The following TANC1 variants were observed in gnomAD, a reference collection of about 807,000 sequenced individuals.
TANC1 encodes the protein protein TANC1.
Under a neutral mutation model 149.7 loss-of-function variants are expected in TANC1, and 77 were observed. That is an observed-to-expected ratio of 0.51 (90% confidence interval 0.43 to 0.62). TANC1 has a LOEUF of 0.62. TANC1 is among the 20% of genes least tolerant of loss of function. The pLI, the probability that TANC1 is intolerant of heterozygous loss-of-function variation, is 0.00. For missense variants in TANC1, 1,985 were observed against 2,321.8 expected, an observed-to-expected ratio of 0.85 and a Z score of 2.98; for synonymous variants, 854 against 925.0, an observed-to-expected ratio of 0.92 and a Z score of 1.39.
intron 24 of TANC1, 94 bp from the exon 25 acceptor site, chr2:159,227,725 G>T (rs13413691): frequency 0.039 from 53,179 of 1,360,618 alleles, 3,465 homozygotes; most frequent in East Asian, 0.24. Context: ...GGGTTTGCAG[G>T]GGGGAGTAAA....
At position 159,217,482 on chromosome 2, in the gene TANC1, G is replaced by A; in HGVS notation, c.3245-15G>A. ...CACATGCTAACAGATTCCCCTCCAT[G>A]TGACTTTCCTTTAGCCCTGACTGCC... is the stretch of plus-strand genomic sequence containing the variant. On this transcript the variant is annotated splice_polypyrimidine_tract_variant and intron_variant, in intron 19 of 26. Transcript: ENST00000263635. 1 of 1,614,128 alleles carries A rather than the reference G, an allele frequency of 6.2e-7. No homozygotes were observed. The highest frequency in any genetic ancestry group is 8.5e-7 in the Non-Finnish European group (1 of 1,179,986).
chr2:159,099,797 C>T (rs979785216), intron 4 of TANC1, among the ~76,000 whole-genome samples: 15 of 151,950 alleles, frequency 9.9e-5, no homozygotes, highest in East Asian at 3.9e-4. Flanking sequence ...TTTCATGCAC[C>T]GATACCTACC....
At chr2:158,976,941 C>T (rs916914436) in intron 1 of TANC1, among the ~76,000 whole-genome samples, 2 of 152,010 alleles carry the variant, frequency 1.3e-5, no homozygotes, top group Non-Finnish European at 2.9e-5. Flanking sequence ...TAAAAATGAA[C>T]TTAAAAATAC....
intron 19 of TANC1, among the ~76,000 whole-genome samples, chr2:159,202,552 C>T (rs1266776432): frequency 6.6e-6 from 1 of 152,106 alleles, no homozygotes; most frequent in African/African-American, 2.4e-5. Flanking sequence ...TCTGTCGTTC[C>T]AGTAGCTCTC....
At position 159,202,047 on chromosome 2, in the gene TANC1, G is replaced by T. The variant is rs150209231; in HGVS notation, c.3244+2994G>T. Among the ~76,000 whole-genome samples the T allele has an allele frequency of 2.9e-3, 435 of 152,328 alleles. 1 individual carries two copies. Among genetic ancestry groups the T allele is most frequent in the African/African-American group, 9.9e-3 (412 of 41,566 alleles). ...TGCTAGGAGAGCCTTGCAATTCAGT[G>T]AATCTATTCCACATGGCAGAAGTGT... is the stretch of plus-strand genomic sequence containing the variant. On this transcript the variant is annotated intron_variant, in intron 19 of 26. Transcript: ENST00000263635.
At chr2:159,015,510 C>A (rs2038183116) in intron 2 of TANC1, among the ~76,000 whole-genome samples, 1 of 152,190 alleles carries the variant, frequency 6.6e-6, no homozygotes, top group Non-Finnish European at 1.5e-5. Flanking sequence ...ATTGGCTCTT[C>A]ATTACTTACG....
At chr2:159,224,179 C>A (rs1215924682) in intron 22 of TANC1, 53 bp from the exon 23 acceptor site, 1 of 1,605,176 alleles carries the variant, frequency 6.2e-7, no homozygotes, top group Non-Finnish European at 8.5e-7. Context: ...AATCCGTGTG[C>A]GCCCCTGAAC....
intron 3 of TANC1, among the ~76,000 whole-genome samples, chr2:159,069,989 C>A (rs2149716490): frequency 6.6e-6 from 1 of 151,828 alleles, no homozygotes; most frequent in Admixed American, 6.6e-5. Context: ...GCCATGTTGC[C>A]CAGGCTGGTT....
At chr2:158,987,032 G>A (rs1486145012) in intron 1 of TANC1, among the ~76,000 whole-genome samples, 1 of 147,856 alleles carries the variant, frequency 6.8e-6, no homozygotes, top group Non-Finnish European at 1.5e-5. Context: ...GGGAAACCCT[G>A]TCTCTACTTA....
chr2:159,058,231 C>T (rs570527476), intron 2 of TANC1, among the ~76,000 whole-genome samples: 8 of 152,234 alleles, frequency 5.3e-5, no homozygotes, highest in South Asian at 2.1e-4. Flanking sequence ...TTTGAAATAC[C>T]CAAATAAAAC....
chr2:159,192,840 G>A (rs1353426266), intron 16 of TANC1, among the ~76,000 whole-genome samples: 1 of 152,206 alleles, frequency 6.6e-6, no homozygotes, highest in Non-Finnish European at 1.5e-5. Flanking sequence ...GTAGACACGG[G>A]GTTTTCACCC....
intron 4 of TANC1, among the ~76,000 whole-genome samples, chr2:159,127,061 A>G (rs1416606408): frequency 1.3e-5 from 2 of 152,252 alleles, no homozygotes; most frequent in Non-Finnish European, 2.9e-5. Flanking sequence ...GTAGACTACA[A>G]ACTGGAACTT....
At position 159,124,128 on chromosome 2, in the gene TANC1, C is replaced by T. The variant is rs185022983; in HGVS notation, c.260-12066C>T. Among the ~76,000 whole-genome samples the T allele has an allele frequency of 1.6e-3, 251 of 152,200 alleles. 1 individual carries two copies. The highest frequency in any genetic ancestry group is 5.0e-3 in the African/African-American group (209 of 41,516). On this transcript the variant is annotated intron_variant, in intron 4 of 26. Transcript: ENST00000263635. ...ATCCCAGCACTTTGGGAAGCTGAGG[C>T]GGGCGGATCATTTGAGGTCTGGTGT...
At chr2:158,978,771 C>G (rs1295573176) in intron 1 of TANC1, among the ~76,000 whole-genome samples, 1 of 152,154 alleles carries the variant, frequency 6.6e-6, no homozygotes, top group Non-Finnish European at 1.5e-5. Flanking sequence ...GTTGAGAGTT[C>G]ACAAGTTGTA....
chr2:159,025,653 T>G lies in TANC1; in HGVS notation c.-16+24464T>G, dbSNP rs183915833. Among the ~76,000 whole-genome samples, 40 of 152,328 alleles carry G rather than the reference T, an allele frequency of 2.6e-4. No homozygotes were observed. In the Middle Eastern group the frequency reaches 0.01, roughly 39 times the overall value. The stretch of plus-strand genomic sequence containing the variant: ...AAGGGATTCCTTTTTTTTAGCACAG[T>G]AAGTTTTTCAGGGATGTTGGATACA... On this transcript the variant is annotated intron_variant, in intron 2 of 26. Coordinates refer to ENST00000263635, the MANE Select transcript of TANC1 (RefSeq NM_033394.3).
chr2:159,067,444 G>A (rs1433179111), intron 3 of TANC1, among the ~76,000 whole-genome samples: 1 of 152,124 alleles, frequency 6.6e-6, no homozygotes, highest in Admixed American at 6.5e-5. Context: ...TCAACCCCTG[G>A]CTTTGAATAA....
chr2:159,154,819 A>G (rs910165250), intron 7 of TANC1, among the ~76,000 whole-genome samples: 7 of 152,172 alleles, frequency 4.6e-5, no homozygotes, highest in South Asian at 2.1e-4. Flanking sequence ...CAAATTTGCA[A>G]TGTGAAAATC....
chr2:159,150,276 G>C, intron 6 of TANC1, 94 bp from the exon 7 acceptor site: 1 of 1,012,646 alleles, frequency 9.9e-7, no homozygotes, highest in Non-Finnish European at 1.4e-6. Flanking sequence ...CCGTTTTCCT[G>C]TTCTTAGTTT....
intron 19 of TANC1, among the ~76,000 whole-genome samples, chr2:159,206,193 C>A (rs752014790): frequency 7.2e-5 from 11 of 152,076 alleles, no homozygotes; most frequent in Non-Finnish European, 1.5e-4. Flanking sequence ...GTGGGGTGAC[C>A]CTGTGCCCTG....
Sources: allele counts gnomAD v4.1 joint callset (sites outside exome capture counted in the v4.1 genomes callset), GRCh38; gene constraint gnomAD v4.1.1; transcripts MANE v1.5; gene names NCBI Gene and HGNC (gene_info 2026-07-23, HGNC 2026-07-21).